Variants in NIN observed in about 807,000 individuals in gnomAD.
NIN encodes ninein.
NIN carries 137 observed loss-of-function variants against 257.6 expected under a neutral mutation model. The ratio of observed to expected loss-of-function variants is 0.53; its 90% CI spans 0.46 to 0.61. The LOEUF (loss-of-function observed/expected upper bound fraction) is 0.61, where lower values mean the gene tolerates loss of function less well. Among genes scored for constraint, NIN ranks in the 20% least tolerant of loss-of-function variants. NIN has a pLI of 0.00. For synonymous variants in NIN, 918 were observed against 919.8 expected, an observed-to-expected ratio of 1.00 and a Z score of 0.04; for missense variants, 2,439 against 2,501.2, an observed-to-expected ratio of 0.98 and a Z score of 0.53.
chr14:50,766,476 G>C (rs925623707), intron 13 of NIN, 80 bp from the exon 14 acceptor site: 1 of 1,214,276 alleles, frequency 8.2e-7, no homozygotes, highest in Non-Finnish European at 1.2e-6. Context: ...CCAGTTTCTG[G>C]TATTCACCCA....
chr14:50,733,249 C>T (rs1391863786), intron 28 of NIN, among the ~76,000 whole-genome samples: 6 of 152,004 alleles, frequency 3.9e-5, no homozygotes, highest in Admixed American at 2.0e-4. Flanking sequence ...CACACAACCA[C>T]GCCCAGCTAA....
At chr14:50,753,126 A>G (rs1355882775) in intron 20 of NIN, among the ~76,000 whole-genome samples, 2 of 152,230 alleles carry the variant, frequency 1.3e-5, no homozygotes, top group Admixed American at 6.5e-5. Flanking sequence ...CCAGGTGGGC[A>G]CGGTGGCTCA....
intron 2 of NIN, among the ~76,000 whole-genome samples, chr14:50,827,080 A>C (rs2045489516): frequency 6.6e-6 from 1 of 152,206 alleles, no homozygotes; most frequent in South Asian, 2.1e-4. Context: ...AATAACGCCA[A>C]TGATCAAATT....
At chr14:50,800,007 T>C (rs866799007) in intron 4 of NIN, among the ~76,000 whole-genome samples, 37 of 148,264 alleles carry the variant, frequency 2.5e-4, no homozygotes, top group East Asian at 6.0e-4. Flanking sequence ...TATATACACA[T>C]ACACACACAC....
At chr14:50,745,783 T>C (rs2041509134) in intron 22 of NIN, among the ~76,000 whole-genome samples, 1 of 152,220 alleles carries the variant, frequency 6.6e-6, no homozygotes, top group Non-Finnish European at 1.5e-5. Flanking sequence ...ATGTAACTTT[T>C]GCTGATGCTA....
chr14:50,822,795 G>A (rs943164601), intron 2 of NIN, among the ~76,000 whole-genome samples: 2 of 152,194 alleles, frequency 1.3e-5, no homozygotes, highest in Non-Finnish European at 2.9e-5. Context: ...GAGGTGTGAC[G>A]GGAAGAATAT....
intron 28 of NIN, among the ~76,000 whole-genome samples, chr14:50,734,241 C>G (rs1188020401): frequency 2.6e-5 from 4 of 152,044 alleles, no homozygotes; most frequent in Admixed American, 6.6e-5. Context: ...AGGTGCCCAC[C>G]ACCACGCCCA....
intron 4 of NIN, among the ~76,000 whole-genome samples, chr14:50,805,288 A>G (rs1486293652): frequency 6.6e-6 from 1 of 152,212 alleles, no homozygotes; most frequent in African/African-American, 2.4e-5. Flanking sequence ...AAGTGAAAAC[A>G]CCAATAAAAT....
intron 4 of NIN, among the ~76,000 whole-genome samples, chr14:50,802,044 G>C (rs2044124608): frequency 6.6e-6 from 1 of 152,190 alleles, no homozygotes; most frequent in South Asian, 2.1e-4. Flanking sequence ...GCTTGTGCCA[G>C]CATTTCCATT....
At chr14:50,806,998 C>T (rs527312026) in intron 3 of NIN, among the ~76,000 whole-genome samples, 180 bp from the exon 4 acceptor site, 2 of 152,176 alleles carry the variant, frequency 1.3e-5, no homozygotes, top group African/African-American at 2.4e-5. Flanking sequence ...ATCATTTTGA[C>T]ACCTCGTGCC....
intron 27 of NIN, among the ~76,000 whole-genome samples, chr14:50,736,508 T>TA (rs2140432759): frequency 6.6e-6 from 1 of 152,218 alleles, no homozygotes; most frequent in South Asian, 2.1e-4. Context: ...TATTGCTCAG[T>TA]AAAAAACATA....
intron 8 of NIN, 114 bp from the exon 9 acceptor site, chr14:50,772,582 C>A (rs1464113096): frequency 2.1e-6 from 2 of 938,798 alleles, no homozygotes; most frequent in Non-Finnish European, 3.2e-6. Context: ...TATACAGTGC[C>A]AGGAAAAAAG....
At chr14:50,778,889 T>C in intron 5 of NIN, 85 bp from the exon 6 acceptor site, 2 of 1,389,156 alleles carry the variant, frequency 1.4e-6, no homozygotes, top group Non-Finnish European at 2.0e-6. Flanking sequence ...GATCACTCTC[T>C]GGCTCTGAAA....
intron 5 of NIN, among the ~76,000 whole-genome samples, chr14:50,780,838 G>A (rs372588952): frequency 1.3e-5 from 2 of 152,164 alleles, no homozygotes; most frequent in Admixed American, 1.3e-4. Context: ...GAATTAGGAC[G>A]TGTGATTTTT....
At chr14:50,796,912 G>T (rs2043865136) in intron 4 of NIN, among the ~76,000 whole-genome samples, 1 of 152,162 alleles carries the variant, frequency 6.6e-6, no homozygotes, top group Non-Finnish European at 1.5e-5. Context: ...TGCTTAAAAT[G>T]CTCAGCTCTC....
chr14:50,737,649 T>G lies in NIN; in HGVS notation c.5775+491A>C, dbSNP rs7342524. Reference sequence around the variant, plus strand: ...TAAATTGTGGTTTTTTGTTGTTGTTTTTTTTTTTTTTTTTTAAACAGAGTC... The same window carrying G: ...TAAATTGTGGTTTTTTGTTGTTGTTGTTTTTTTTTTTTTTTAAACAGAGTC... On this transcript the variant is annotated intron_variant, in intron 27 of 30. Coordinates refer to ENST00000530997, the MANE Select transcript of NIN (RefSeq NM_020921.4). 2.6e-3 allele frequency among the ~76,000 whole-genome samples: 176 copies of G among 68,350 alleles called. 2 individuals carry two copies. Among genetic ancestry groups the G allele is most frequent in the South Asian group, 0.022 (80 of 3,612 alleles). The allele number at this position is 68,350 out of a possible 152,430, so 44.8% of individuals were successfully genotyped here.
chr14:50,770,397 G>A lies in NIN; in HGVS notation c.1425C>T (p.Leu475=). ...EENYIRDRLA[L]SLKENSRLEN... ...CTAATAAGATGATTACCTTTAAAGA[G>A]AGGGCAAGGCGGTCCCGGATATAGT... Residue 475 remains leucine (L), a synonymous_variant, in exon 12 of 31, where the codon CTC becomes CTT. Coordinates refer to ENST00000530997, the MANE Select transcript of NIN (RefSeq NM_020921.4). 1.2e-6 allele frequency: 2 copies of A among 1,614,048 alleles called. No individual in the cohort carries two copies. Among genetic ancestry groups the A allele is most frequent in the Non-Finnish European group, 1.7e-6 (2 of 1,179,984 alleles).
At chr14:50,728,117 TA>T (rs963390616) in intron 29 of NIN, among the ~76,000 whole-genome samples, 29 of 151,630 alleles carry the variant, frequency 1.9e-4, no homozygotes, top group African/African-American at 5.1e-4. Flanking sequence ...AGGAAAAGGA[TA>T]TTTTTTTTAA....
intron 29 of NIN, chr14:50,727,214 G>A (rs1296499127): frequency 1.1e-6 from 1 of 928,654 alleles, no homozygotes; most frequent in Non-Finnish European, 1.3e-6. Context: ...TGGAAAAACA[G>A]GAAAAACAAA....
Sources: allele counts gnomAD v4.1 joint callset (sites outside exome capture counted in the v4.1 genomes callset), GRCh38; gene constraint gnomAD v4.1.1; transcripts MANE v1.5; gene names NCBI Gene and HGNC (gene_info 2026-07-23, HGNC 2026-07-21).